Variants in TACR1 observed in about 807,000 individuals in gnomAD.
TACR1 encodes the protein tachykinin receptor 1.
A neutral mutation model predicts 35.8 loss-of-function variants in TACR1; 25 were observed. The observed-to-expected ratio is 0.70, with a 90% confidence interval of 0.51 to 0.98. The LOEUF (loss-of-function observed/expected upper bound fraction) is 0.98, where lower values mean the gene tolerates loss of function less well. TACR1 is among the 50% of genes least tolerant of loss of function. The pLI is 0.00. For synonymous variants in TACR1, 195 were observed against 206.7 expected (o/e 0.94, Z 0.48); for missense variants, 478 against 522.9 (o/e 0.91, Z 0.84).
chr2:75,153,176 C>G (rs1037441421), intron 1 of TACR1, among the ~76,000 whole-genome samples: 1 of 152,220 alleles, frequency 6.6e-6, no homozygotes, highest in Non-Finnish European at 1.5e-5. Flanking sequence ...GCTGGGATTA[C>G]AGGCGTGAGC....
chr2:75,158,968 G>A (rs999270149), intron 1 of TACR1, among the ~76,000 whole-genome samples: 3 of 152,098 alleles, frequency 2.0e-5, no homozygotes, highest in Non-Finnish European at 4.4e-5. Context: ...TTGGAAGACT[G>A]TTGTGTTAAG....
In TACR1 at chr2:75,119,909, G is replaced by A. The variant is rs144234004; in HGVS notation, c.584+665C>T. ...AAGGGAGCAGTGATATAGGGAAGAT[G>A]CAGTGGCCAATAAAGAGTACATTAC... On this transcript the variant is annotated intron_variant, in intron 2 of 4. Coordinates refer to ENST00000305249, the MANE Select transcript of TACR1 (RefSeq NM_001058.4). 3.0e-3 allele frequency among the ~76,000 whole-genome samples: 461 copies of A among 152,310 alleles called. 3 individuals are homozygous for A. The highest frequency in any genetic ancestry group is 9.7e-3 in the African/African-American group (405 of 41,560).
chr2:75,098,923 T>TC (rs1673476791), intron 2 of TACR1, among the ~76,000 whole-genome samples: 8 of 151,990 alleles, frequency 5.3e-5, no homozygotes, highest in Admixed American at 5.2e-4. Context: ...TTTTTTTTTT[T>TC]TTCTTTTCTT....
Position 75,089,798 on chromosome 2 carries a change from C to CT in TACR1, c.584+30775dup, listed in dbSNP as rs1673270599. The stretch of plus-strand genomic sequence containing the variant: ...TGGGAGCAGTGAAGGGGAATCTGGG[C>CT]TTGAAGGTCTTGGCTTTGTCACCAC... On this transcript the variant is annotated intron_variant, in intron 2 of 4. Transcript: ENST00000305249. 5.9e-5 allele frequency among the ~76,000 whole-genome samples: 9 copies of CT among 152,200 alleles called. No individual in the cohort carries two copies. In the South Asian group the frequency reaches 1.2e-3, roughly 21 times the overall value.
intron 2 of TACR1, among the ~76,000 whole-genome samples, chr2:75,060,356 T>A (rs1468563967): frequency 6.6e-6 from 1 of 152,058 alleles, no homozygotes; most frequent in African/African-American, 2.4e-5. Flanking sequence ...AATGCATTGG[T>A]GAGATATTCA....
intron 1 of TACR1, among the ~76,000 whole-genome samples, chr2:75,151,399 C>T (rs1263216956): frequency 6.6e-6 from 1 of 152,210 alleles, no homozygotes; most frequent in East Asian, 1.9e-4. Flanking sequence ...TGTGTCCCAG[C>T]CACTCCAGCT....
intron 1 of TACR1, among the ~76,000 whole-genome samples, chr2:75,129,274 T>C (rs1241017629): frequency 6.6e-6 from 1 of 152,226 alleles, no homozygotes; most frequent in African/African-American, 2.4e-5. Flanking sequence ...CACTGCAGTA[T>C]TGAGTAGTCC....
intron 1 of TACR1, chr2:75,188,513 G>T (rs4571079): frequency 6.6e-6 from 1 of 152,264 alleles, no homozygotes; most frequent in Non-Finnish European, 1.5e-5. Flanking sequence ...CTGCTCATCA[G>T]TCCATCTGTG....
chr2:75,112,036 G>T (rs893852899), intron 2 of TACR1, among the ~76,000 whole-genome samples: 5 of 151,994 alleles, frequency 3.3e-5, no homozygotes, highest in Non-Finnish European at 2.9e-5. Flanking sequence ...AGTATAGAGA[G>T]TAATCTACAA....
intron 2 of TACR1, among the ~76,000 whole-genome samples, chr2:75,095,724 T>C (rs1673408376): frequency 6.6e-6 from 1 of 152,144 alleles, no homozygotes; most frequent in South Asian, 2.1e-4. Flanking sequence ...GTCTTCATTA[T>C]AGTTAGTTGA....
intron 1 of TACR1, among the ~76,000 whole-genome samples, chr2:75,191,122 T>G (rs1046096201): frequency 6.6e-6 from 1 of 152,184 alleles, no homozygotes; most frequent in African/African-American, 2.4e-5. Context: ...TGAGGTGGAA[T>G]TGAAGTCTCT....
At chr2:75,149,938 T>A (rs575498442) in intron 1 of TACR1, among the ~76,000 whole-genome samples, 1 of 152,192 alleles carries the variant, frequency 6.6e-6, no homozygotes, top group Non-Finnish European at 1.5e-5. Context: ...TATTGAGAGT[T>A]TTTAAGCATG....
intron 1 of TACR1, 49 bp from the exon 2 acceptor site, chr2:75,120,817 G>A (rs1166689061): frequency 1.4e-6 from 2 of 1,406,032 alleles, no homozygotes; most frequent in Admixed American, 2.4e-5. Context: ...ACCAAAATCT[G>A]TATCAGAGAT....
At chr2:75,160,874 T>TATATTTTC (rs1196976310) in intron 1 of TACR1, among the ~76,000 whole-genome samples, 1 of 151,040 alleles carries the variant, frequency 6.6e-6, no homozygotes, top group Non-Finnish European at 1.5e-5. Flanking sequence ...GATATTCTGA[T>TATATTTTC]ATATTTTCTT....
At chr2:75,071,576 C>T (rs1175366149) in intron 2 of TACR1, among the ~76,000 whole-genome samples, 2 of 152,198 alleles carry the variant, frequency 1.3e-5, no homozygotes, top group Non-Finnish European at 2.9e-5. Flanking sequence ...AACCAGAGAC[C>T]TCACATATCT....
At chr2:75,094,859 A>ATATATATATATTTTTTTTT in intron 2 of TACR1, among the ~76,000 whole-genome samples, 2 of 113,102 alleles carry the variant, frequency 1.8e-5, no homozygotes, top group African/African-American at 9.6e-5. Context: ...ATATATATAT[A>ATATATATATATTTTTTTTT]TTTTTTTTTT....
At chr2:75,150,350 C>G (rs1384261592) in intron 1 of TACR1, among the ~76,000 whole-genome samples, 1 of 152,174 alleles carries the variant, frequency 6.6e-6, no homozygotes, top group Non-Finnish European at 1.5e-5. Context: ...CAAATCTCAA[C>G]TTGAATTGTA....
intron 2 of TACR1, among the ~76,000 whole-genome samples, chr2:75,067,856 C>G (rs912882762): frequency 1.3e-5 from 2 of 152,164 alleles, no homozygotes; most frequent in Admixed American, 1.3e-4. Context: ...GGGGCCACAG[C>G]CTCTAGGGTC....
intron 1 of TACR1, among the ~76,000 whole-genome samples, chr2:75,133,087 A>G (rs1402324032): frequency 6.6e-6 from 1 of 152,042 alleles, no homozygotes; most frequent in Non-Finnish European, 1.5e-5. Context: ...TTGTCCCCAT[A>G]CTCTGTGAGT....
Sources: allele counts gnomAD v4.1 joint callset (sites outside exome capture counted in the v4.1 genomes callset), GRCh38; gene constraint gnomAD v4.1.1; transcripts MANE v1.5; gene names NCBI Gene and HGNC (gene_info 2026-07-23, HGNC 2026-07-21).